DSCAM: variants seen among roughly 807,000 people sequenced by gnomAD.
DSCAM encodes the protein DS cell adhesion molecule.
Under a neutral mutation model 217.7 loss-of-function variants are expected in DSCAM, and 47 were observed. The observed-to-expected ratio is 0.22, with a 90% CI of 0.17 to 0.28. The LOEUF (loss-of-function observed/expected upper bound fraction) is 0.28. Ranked by LOEUF, DSCAM falls within the 10% of genes least tolerant of loss-of-function variation. The probability of loss-of-function intolerance (pLI) is 1.00; values close to 1 mark genes in which losing one functional copy is unlikely to be tolerated. For missense variants in DSCAM, 2,080 were observed against 2,618.3 expected, an observed-to-expected ratio of 0.79 and a Z score of 4.49; for synonymous variants, 1,056 against 1,015.3, an observed-to-expected ratio of 1.04 and a Z score of -0.76.
At chr21:40,793,051 C>T (rs538047617) in intron 1 of DSCAM, among the ~76,000 whole-genome samples, 18 of 152,228 alleles carry the variant, frequency 1.2e-4, no homozygotes, top group African/African-American at 4.1e-4. Context: ...GAGACATTTG[C>T]TTTTTTTCTA....
chr21:40,485,051 A>G (rs916565060), intron 3 of DSCAM, among the ~76,000 whole-genome samples: 3 of 151,948 alleles, frequency 2.0e-5, no homozygotes, highest in Non-Finnish European at 4.4e-5. Flanking sequence ...TTATGTTATT[A>G]TACAGAGGAA....
intron 29 of DSCAM, among the ~76,000 whole-genome samples, chr21:40,055,055 G>T (rs996078127): frequency 1.3e-5 from 2 of 152,212 alleles, no homozygotes; most frequent in Non-Finnish European, 1.5e-5. Context: ...GAGGCAGGCA[G>T]TGTGGGGTAA....
intron 3 of DSCAM, among the ~76,000 whole-genome samples, chr21:40,616,784 G>A (rs1345277911): frequency 3.3e-5 from 5 of 152,080 alleles, no homozygotes; most frequent in African/African-American, 4.8e-5. Flanking sequence ...TTGGGAGGCC[G>A]AGGCGAGCGG....
intron 1 of DSCAM, among the ~76,000 whole-genome samples, chr21:40,774,927 A>G (rs192811034): frequency 6.6e-6 from 1 of 151,964 alleles, no homozygotes; most frequent in Non-Finnish European, 1.5e-5. Context: ...CATTCACTAC[A>G]TGGAGACTAA....
chr21:40,504,055 A>G (rs997678967), intron 3 of DSCAM, among the ~76,000 whole-genome samples: 4 of 152,232 alleles, frequency 2.6e-5, no homozygotes, highest in African/African-American at 9.6e-5. Flanking sequence ...CGTTTCTGGT[A>G]GAACAAATCC....
chr21:40,362,018 C>T lies in DSCAM; in HGVS notation c.655+7081G>A, dbSNP rs531778877. Among the ~76,000 whole-genome samples, 24 of 152,114 alleles carry T rather than the reference C, an allele frequency of 1.6e-4. 1 individual carries two copies. Among genetic ancestry groups the T allele is most frequent in the Admixed American group, 1.3e-3 (20 of 15,282 alleles). On this transcript the variant is annotated intron_variant, in intron 4 of 32. Transcript: ENST00000400454. Reference sequence around the variant, plus strand: ...ATTCCCATCTATGAGTGAGAACATGCGGTGTTTGGTTTTTTGTCCTTGCGA... The same window carrying T: ...ATTCCCATCTATGAGTGAGAACATGTGGTGTTTGGTTTTTTGTCCTTGCGA...
intron 3 of DSCAM, among the ~76,000 whole-genome samples, chr21:40,691,206 A>G (rs979283492): frequency 3.9e-5 from 6 of 152,228 alleles, no homozygotes; most frequent in Non-Finnish European, 8.8e-5. Flanking sequence ...GCTTTGGCCA[A>G]TTAAATATGA....
intron 11 of DSCAM, among the ~76,000 whole-genome samples, chr21:40,228,056 G>T (rs1286729917): frequency 1.3e-5 from 2 of 152,140 alleles, no homozygotes; most frequent in African/African-American, 4.8e-5. Flanking sequence ...TCTCAGTTGG[G>T]GCTTGTCTGT....
At chr21:40,308,705 C>T (rs1054702244) in intron 9 of DSCAM, among the ~76,000 whole-genome samples, 2 of 152,184 alleles carry the variant, frequency 1.3e-5, no homozygotes, top group African/African-American at 4.8e-5. Flanking sequence ...TTGGAACTGA[C>T]TTCATGCACT....
chr21:40,453,142 C>A (rs750175604), intron 3 of DSCAM, among the ~76,000 whole-genome samples: 2 of 151,358 alleles, frequency 1.3e-5, no homozygotes, highest in Non-Finnish European at 2.9e-5. Context: ...TAAGTAATAT[C>A]ACACACTTAT....
intron 3 of DSCAM, among the ~76,000 whole-genome samples, chr21:40,616,653 T>C (rs1022623979): frequency 1.3e-5 from 2 of 152,154 alleles, no homozygotes; most frequent in African/African-American, 4.8e-5. Flanking sequence ...TGCGTGTTTT[T>C]TCACTGTAAT....
chr21:40,841,793 A>T (rs1163684401), intron 1 of DSCAM, among the ~76,000 whole-genome samples: 2 of 152,160 alleles, frequency 1.3e-5, no homozygotes, highest in Non-Finnish European at 2.9e-5. Context: ...AGGGGGTGCA[A>T]ATGCACCCTT....
At chr21:40,053,946 A>G (rs185197162) in intron 29 of DSCAM, among the ~76,000 whole-genome samples, 1 of 152,262 alleles carries the variant, frequency 6.6e-6, no homozygotes, top group African/African-American at 2.4e-5. Flanking sequence ...AACCATGGTG[A>G]CCTCCACAAA....
intron 3 of DSCAM, among the ~76,000 whole-genome samples, chr21:40,527,872 C>T (rs2146102143): frequency 6.6e-6 from 1 of 152,234 alleles, no homozygotes; most frequent in South Asian, 2.1e-4. Context: ...TGCGGCTCTC[C>T]TTTTATCTGA....
intron 3 of DSCAM, among the ~76,000 whole-genome samples, chr21:40,684,736 C>T (rs993072547): frequency 3.3e-5 from 5 of 152,096 alleles, no homozygotes; most frequent in African/African-American, 7.2e-5. Flanking sequence ...TTTAGCTTGT[C>T]GATAATAATA....
intron 3 of DSCAM, among the ~76,000 whole-genome samples, chr21:40,371,573 T>C (rs978734073): frequency 6.6e-6 from 1 of 152,190 alleles, no homozygotes; most frequent in African/African-American, 2.4e-5. Flanking sequence ...TGCACACAGA[T>C]AGCAGCAGCC....
At chr21:40,574,679 A>G (rs2146209428) in intron 3 of DSCAM, among the ~76,000 whole-genome samples, 1 of 151,642 alleles carries the variant, frequency 6.6e-6, no homozygotes, top group East Asian at 2.0e-4. Flanking sequence ...AAACAATGTC[A>G]AAAAAGAGAA....
chr21:40,606,498 G>C (rs1348798052), intron 3 of DSCAM, among the ~76,000 whole-genome samples: 2 of 152,204 alleles, frequency 1.3e-5, no homozygotes, highest in African/African-American at 4.8e-5. Flanking sequence ...TATTTGTCAA[G>C]TACAAATCCT....
intron 1 of DSCAM, among the ~76,000 whole-genome samples, chr21:40,842,771 C>T (rs186846361): frequency 2.0e-5 from 3 of 152,162 alleles, no homozygotes; most frequent in Admixed American, 2.0e-4. Flanking sequence ...TGCTGTATTG[C>T]GCTGGTTCTG....
Sources: allele counts gnomAD v4.1 joint callset (sites outside exome capture counted in the v4.1 genomes callset), GRCh38; gene constraint gnomAD v4.1.1; transcripts MANE v1.5; gene names NCBI Gene and HGNC (gene_info 2026-07-23, HGNC 2026-07-21).